The following FBN2 variants were observed in gnomAD, a reference collection of about 807,000 sequenced individuals.
The protein encoded by FBN2 is fibrillin-2.
Under a neutral mutation model 355.6 loss-of-function variants are expected in FBN2, and 105 were observed. The observed-to-expected ratio is 0.30, with a 90% CI of 0.25 to 0.35. FBN2 has a LOEUF of 0.35. FBN2 is among the 10% of genes least tolerant of loss of function. The probability of loss-of-function intolerance (pLI) is 1.00; values close to 1 mark genes in which losing one functional copy is unlikely to be tolerated. For missense variants in FBN2, 3,280 were observed against 3,758.7 expected (o/e 0.87, Z 3.33); for synonymous variants, 1,350 against 1,301.2 (o/e 1.04, Z -0.81).
intron 7 of FBN2, among the ~76,000 whole-genome samples, chr5:128,437,837 G>C (rs1253362407): frequency 1.3e-5 from 2 of 151,956 alleles, no homozygotes; most frequent in African/African-American, 4.8e-5. Flanking sequence ...CAGACAGACA[G>C]AAAGACAGGA....
Position 128,336,241 on chromosome 5 carries a change from C to T in FBN2, c.3599-128G>A, listed in dbSNP as rs1750839053. 1.2e-5 allele frequency: 11 copies of T among 885,774 alleles called. No individual in the cohort carries two copies. The Admixed American group carries it at 1.9e-4, about 15-fold the overall frequency. 54.9% of individuals were successfully genotyped at this position (885,774 alleles called of 1,614,324 possible). A position where few individuals can be genotyped will look rare whatever the true frequency, so the allele number is the denominator to read the frequency against. ...CTTCACGAGGAAGTAAAATGTTCTC[C>T]TGGGGGATTGAAAGAAAATGCTGGA... is the stretch of plus-strand genomic sequence containing the variant. On this transcript the variant is annotated intron_variant, in intron 27 of 64. Coordinates refer to ENST00000262464, the MANE Select transcript of FBN2 (RefSeq NM_001999.4).
chr5:128,377,029 G>T (rs1276833350), intron 13 of FBN2, among the ~76,000 whole-genome samples, 176 bp from the exon 14 acceptor site: 2 of 152,106 alleles, frequency 1.3e-5, no homozygotes, highest in Non-Finnish European at 2.9e-5. Context: ...GCGGAGAGTG[G>T]AAAGGACCTT....
Position 128,454,066 on chromosome 5 carries a change from C to T in FBN2, c.827-7460G>A, listed in dbSNP as rs370956092. ...GAAGTAGATCTGTCTCTTATGGGAA[C>T]ATCTCCTCCTCTCCAATAGAACATC... On this transcript the variant is annotated intron_variant, in intron 6 of 64. Coordinates refer to ENST00000262464, the MANE Select transcript of FBN2 (RefSeq NM_001999.4). Among the ~76,000 whole-genome samples the T allele has an allele frequency of 2.6e-5, 4 of 151,504 alleles. No individual in the cohort carries two copies. The South Asian group carries it at 8.3e-4, about 32-fold the overall frequency.
intron 7 of FBN2, chr5:128,442,462 TCCTTC>T (rs1342733786): frequency 1.6e-5 from 6 of 383,316 alleles, no homozygotes; most frequent in Admixed American, 3.4e-5. Flanking sequence ...TGATGTGTTC[TCCTTC>T]CCTTCTTCAT....
intron 3 of FBN2, among the ~76,000 whole-genome samples, chr5:128,529,684 T>C (rs1756654695): frequency 6.6e-6 from 1 of 152,216 alleles, no homozygotes; most frequent in East Asian, 1.9e-4. Flanking sequence ...ATAATGAACA[T>C]ACTGGCAACA....
intron 5 of FBN2, among the ~76,000 whole-genome samples, chr5:128,497,657 G>GT (rs1398125290): frequency 6.6e-6 from 1 of 152,102 alleles, no homozygotes; most frequent in Non-Finnish European, 1.5e-5. Context: ...AAAAGGGGGT[G>GT]TTTTTTCTAG....
chr5:128,316,657 C>A (rs1750210391), intron 36 of FBN2, among the ~76,000 whole-genome samples: 1 of 152,234 alleles, frequency 6.6e-6, no homozygotes, highest in Non-Finnish European at 1.5e-5. Flanking sequence ...ATGTCCCCAC[C>A]AATACTTCAC....
intron 45 of FBN2, among the ~76,000 whole-genome samples, chr5:128,304,344 A>G (rs565036659): frequency 6.6e-6 from 1 of 152,298 alleles, no homozygotes; most frequent in East Asian, 1.9e-4. Flanking sequence ...TTGAAAACCT[A>G]TTAATCATCA....
chr5:128,477,439 C>CG (rs1561475799), intron 5 of FBN2, among the ~76,000 whole-genome samples: 2 of 152,078 alleles, frequency 1.3e-5, no homozygotes, highest in Non-Finnish European at 2.9e-5. Flanking sequence ...CCTGGAATTA[C>CG]GAGTTGGCTA....
chr5:128,462,710 C>G (rs1406742796), intron 6 of FBN2, among the ~76,000 whole-genome samples: 4 of 152,008 alleles, frequency 2.6e-5, no homozygotes, highest in African/African-American at 9.7e-5. Flanking sequence ...AAAACTAGGC[C>G]TCTGACAAAG....
chr5:128,531,311 T>A (rs936050648), intron 2 of FBN2, among the ~76,000 whole-genome samples: 38 of 152,084 alleles, frequency 2.5e-4, no homozygotes, highest in Non-Finnish European at 7.4e-5. Flanking sequence ...AATTCAGGAA[T>A]GGAAAAGCAA....
chr5:128,344,881 A>G (rs1751128819), intron 24 of FBN2, among the ~76,000 whole-genome samples: 1 of 151,152 alleles, frequency 6.6e-6, no homozygotes, highest in African/African-American at 2.4e-5. Flanking sequence ...TTGTATTTTT[A>G]GTAGAGACGG....
Position 128,289,227 on chromosome 5 carries a change from T to G in FBN2, c.6537A>C (p.Pro2179=). 4 of 1,613,874 alleles carry G rather than the reference T, an allele frequency of 2.5e-6. No individual in the cohort carries two copies. Among genetic ancestry groups the G allele is most frequent in the Non-Finnish European group, 3.4e-6 (4 of 1,179,750 alleles). Residue 2179 remains proline (P), a synonymous_variant, in exon 52 of 65, where the codon CCA becomes CCC. Coordinates refer to ENST00000262464, the MANE Select transcript of FBN2 (RefSeq NM_001999.4). ...TACATTGACCATTTGAACAAATGCC[T>G]GGGCTCTCAAGACACTCATTGACAT... is the stretch of plus-strand genomic sequence containing the variant. ...REDVNECLES[P]GICSNGQCIN...
chr5:128,422,073 G>A (rs1581279403), intron 7 of FBN2, among the ~76,000 whole-genome samples: 1 of 152,132 alleles, frequency 6.6e-6, no homozygotes, highest in Non-Finnish European at 1.5e-5. Flanking sequence ...GTAGCCTCTC[G>A]AAACTTGAAA....
chr5:128,341,266 C>G (rs1246815035), intron 25 of FBN2, among the ~76,000 whole-genome samples: 1 of 152,190 alleles, frequency 6.6e-6, no homozygotes, highest in Non-Finnish European at 1.5e-5. Context: ...GCTTCTTTAT[C>G]CAGCACCAGG....
rs368238586 is a variant in FBN2, at chr5:128,345,668, G to A, written c.2990-84C>T. On this transcript the variant is annotated intron_variant, in intron 23 of 64. Transcript: ENST00000262464. ...CATGTCAAGCGTCTGCTCAGCACCA[G>A]GCATCATGCAGGACCCTTGCGGTGT... The A allele has an allele frequency of 2.4e-6, 3 of 1,263,264 alleles. No individual in the cohort carries two copies. In the South Asian group the frequency reaches 3.7e-5, roughly 16 times the overall value. 78.3% of individuals were successfully genotyped at this position (1,263,264 alleles called of 1,614,324 possible).
intron 64 of FBN2, among the ~76,000 whole-genome samples, 193 bp downstream of exon 64, chr5:128,261,543 C>A (rs1764964531): frequency 6.6e-6 from 1 of 152,132 alleles, no homozygotes; most frequent in African/African-American, 2.4e-5. Context: ...GTCTTTTCTC[C>A]CAAGCTTTGT....
chr5:128,261,910 A>G lies in FBN2; in HGVS notation c.8193-3T>C, dbSNP rs1254049267. On this transcript the variant is annotated splice_polypyrimidine_tract_variant and splice_region_variant and intron_variant, in intron 63 of 64. Transcript: ENST00000262464. ...ATCCCATTCCTGAGACACAGTGGCT[A>G]TTTGCAAAAAGCAAAGTATTGTTAG... 4 of 1,613,588 alleles carry G rather than the reference A, an allele frequency of 2.5e-6. No individual in the cohort carries two copies. The highest frequency in any genetic ancestry group is 3.3e-5 in the Admixed American group (2 of 60,010).
chr5:128,439,823 A>G (rs1473324987), intron 7 of FBN2, among the ~76,000 whole-genome samples: 3 of 152,144 alleles, frequency 2.0e-5, no homozygotes, highest in Non-Finnish European at 4.4e-5. Flanking sequence ...CTAAGACTAT[A>G]TAAAAATGCT....
Sources: gnomAD v4.1 joint callset for allele counts (sites outside exome capture counted in the v4.1 genomes callset) on GRCh38, gnomAD v4.1.1 for gene constraint, MANE v1.5 for transcripts, NCBI Gene and HGNC (gene_info 2026-07-23, HGNC 2026-07-21) for gene names.